The following KCNS3 variants were observed in gnomAD, a reference collection of about 807,000 sequenced individuals.
KCNS3 encodes potassium voltage-gated channel modifier subfamily S member 3, also known as delayed-rectifier potassium channel regulatory subunit KCNS3.
KCNS3 carries 13 observed loss-of-function variants against 31.0 expected under a neutral mutation model. The ratio of observed to expected loss-of-function variants is 0.42; its 90% CI spans 0.27 to 0.67. The LOEUF (loss-of-function observed/expected upper bound fraction) is 0.67, where lower values mean the gene tolerates loss of function less well. KCNS3 is among the 30% of genes least tolerant of loss of function. The pLI, the probability that KCNS3 is intolerant of heterozygous loss-of-function variation, is 0.25. For missense variants in KCNS3, 545 were observed against 622.4 expected (o/e 0.88, Z 1.32); for synonymous variants, 238 against 241.5 (o/e 0.99, Z 0.13).
At chr2:17,918,837 G>C (rs1195739939) in intron 2 of KCNS3, among the ~76,000 whole-genome samples, 5 of 152,220 alleles carry the variant, frequency 3.3e-5, no homozygotes, top group African/African-American at 1.2e-4. Flanking sequence ...GGCTATGGGA[G>C]AGGGTAGAGA....
At chr2:17,878,906 C>G (rs1674572666) in intron 1 of KCNS3, 100 bp downstream of exon 1, 1 of 152,392 alleles carries the variant, frequency 6.6e-6, no homozygotes, top group Admixed American at 6.5e-5. Flanking sequence ...CTGCCCCAGT[C>G]TCCTGTGGTC....
intron 1 of KCNS3, among the ~76,000 whole-genome samples, chr2:17,893,964 T>TA (rs1661924023): frequency 6.9e-6 from 1 of 145,720 alleles, no homozygotes; most frequent in African/African-American, 2.6e-5. Context: ...TTTTTTTTTT[T>TA]TTAATATATC....
At chr2:17,884,337 T>G (rs568906220) in intron 1 of KCNS3, among the ~76,000 whole-genome samples, 5 of 146,782 alleles carry the variant, frequency 3.4e-5, no homozygotes, top group Non-Finnish European at 6.0e-5. Context: ...CAGATCAAGC[T>G]GTGCCCTTTA....
intron 2 of KCNS3, among the ~76,000 whole-genome samples, chr2:17,918,328 A>G (rs1572498637): frequency 6.6e-6 from 1 of 152,218 alleles, no homozygotes. Flanking sequence ...TCATGCTTCA[A>G]ACATGTTGGA....
intron 2 of KCNS3, among the ~76,000 whole-genome samples, chr2:17,926,457 C>T (rs2125253518): frequency 6.6e-6 from 1 of 152,346 alleles, no homozygotes; most frequent in South Asian, 2.1e-4. Flanking sequence ...CAGAGGTTCT[C>T]CATGAGGGCT....
At chr2:17,909,854 A>C (rs1267231956) in intron 1 of KCNS3, among the ~76,000 whole-genome samples, 2 of 152,240 alleles carry the variant, frequency 1.3e-5, no homozygotes, top group Non-Finnish European at 2.9e-5. Context: ...AGGTAAGATC[A>C]GACAAATGAA....
intron 1 of KCNS3, among the ~76,000 whole-genome samples, chr2:17,905,865 G>A (rs1387998853): frequency 6.6e-6 from 1 of 152,140 alleles, no homozygotes; most frequent in Non-Finnish European, 1.5e-5. Flanking sequence ...TGGTTTGCCC[G>A]TATTTTATTG....
intron 1 of KCNS3, among the ~76,000 whole-genome samples, chr2:17,903,329 A>G (rs545420747): frequency 1.3e-5 from 2 of 152,344 alleles, no homozygotes; most frequent in South Asian, 4.1e-4. Context: ...GGAGAAGCAA[A>G]CAGTAAATAA....
intron 1 of KCNS3, among the ~76,000 whole-genome samples, chr2:17,885,030 G>A (rs1362315617): frequency 6.8e-6 from 1 of 147,296 alleles, no homozygotes; most frequent in Non-Finnish European, 1.5e-5. Flanking sequence ...ATTTATATGT[G>A]TTAATGTGGG....
At chr2:17,908,959 C>T (rs919369269) in intron 1 of KCNS3, among the ~76,000 whole-genome samples, 3 of 152,208 alleles carry the variant, frequency 2.0e-5, no homozygotes, top group African/African-American at 7.2e-5. Context: ...AAACTCTGTA[C>T]TGGGAGAACC....
At position 17,932,046 on chromosome 2, in the gene KCNS3, G is replaced by A. The variant is rs759654395; in HGVS notation, c.1038G>A (p.Glu346=). The stretch of plus-strand genomic sequence containing the variant: ...TCTCTGTGCTTATCTACTCCGTGGA[G>A]AAAGATGACCACACATCCAGCCTCA... ...SIFSVLIYSV[E]KDDHTSSLTS... Residue 346 remains glutamate, a synonymous_variant, in exon 3 of 3, where the codon GAG becomes GAA. Coordinates refer to ENST00000304101, the MANE Select transcript of KCNS3 (RefSeq NM_002252.5). 1.2e-6 allele frequency: 2 copies of A among 1,614,098 alleles called. No homozygotes were observed. Among genetic ancestry groups the A allele is most frequent in the South Asian group, 1.1e-5 (1 of 91,078 alleles).
In KCNS3 at chr2:17,930,930, T is replaced by C; in HGVS notation, c.-59-20T>C. 4.6e-6 allele frequency: 7 copies of C among 1,515,740 alleles called. No individual in the cohort carries two copies. In the South Asian group the frequency reaches 9.0e-5, roughly 19 times the overall value. 93.9% of individuals were successfully genotyped at this position (1,515,740 alleles called of 1,614,324 possible). A position where few individuals can be genotyped will look rare whatever the true frequency, so the allele number is the denominator to read the frequency against. ...GGCACGGCAGGACAGAGTGCTAATA[T>C]CATCTTGTGCTCTTTCCAGGTGCAG... On this transcript the variant is annotated intron_variant, in intron 2 of 2. Transcript: ENST00000304101.
intron 1 of KCNS3, among the ~76,000 whole-genome samples, chr2:17,906,298 G>A (rs2125242911): frequency 6.6e-6 from 1 of 152,234 alleles, no homozygotes; most frequent in East Asian, 1.9e-4. Flanking sequence ...TGTGGGATCG[G>A]TGGTGATATC....
intron 1 of KCNS3, among the ~76,000 whole-genome samples, chr2:17,880,825 C>G (rs1372163020): frequency 1.3e-5 from 2 of 152,174 alleles, no homozygotes; most frequent in East Asian, 1.9e-4. Flanking sequence ...AACTGCAGCT[C>G]CCTCCTGTCT....
intron 1 of KCNS3, among the ~76,000 whole-genome samples, chr2:17,916,657 TTGA>T (rs1020117621): frequency 3.9e-5 from 6 of 152,182 alleles, no homozygotes; most frequent in African/African-American, 1.4e-4. Flanking sequence ...CCATTGCCCC[TTGA>T]TGTTGTTAGG....
intron 1 of KCNS3, among the ~76,000 whole-genome samples, chr2:17,883,299 G>C (rs912552029): frequency 1.3e-5 from 2 of 149,944 alleles, no homozygotes; most frequent in East Asian, 2.0e-4. Flanking sequence ...ATTCAAATCC[G>C]TGCATACATT....
intron 2 of KCNS3, among the ~76,000 whole-genome samples, chr2:17,924,374 A>G (rs1245314060): frequency 1.3e-5 from 2 of 152,096 alleles, no homozygotes; most frequent in Non-Finnish European, 2.9e-5. Flanking sequence ...TTCCCTGACT[A>G]GAACTTCCAG....
chr2:17,888,591 C>A (rs1661747464), intron 1 of KCNS3, among the ~76,000 whole-genome samples: 1 of 138,146 alleles, frequency 7.2e-6, no homozygotes, highest in Admixed American at 7.5e-5. Context: ...GCACGTTGTG[C>A]ACATGTACCC....
intron 1 of KCNS3, among the ~76,000 whole-genome samples, chr2:17,884,515 G>T (rs771238333): frequency 6.6e-6 from 1 of 151,902 alleles, no homozygotes; most frequent in East Asian, 1.9e-4. Flanking sequence ...CAGAAGCCTC[G>T]TTTGGAGGTG....
Sources: allele counts gnomAD v4.1 joint callset (sites outside exome capture counted in the v4.1 genomes callset), GRCh38; gene constraint gnomAD v4.1.1; transcripts MANE v1.5; gene names NCBI Gene and HGNC (gene_info 2026-07-23, HGNC 2026-07-21).